Variants in PCDH9 observed in about 807,000 individuals in gnomAD.
The protein encoded by PCDH9 is protocadherin 9, also known as protocadherin-9.
A neutral mutation model predicts 70.6 loss-of-function variants in PCDH9; 24 were observed. That is an observed-to-expected ratio of 0.34 (90% confidence interval 0.25 to 0.48). The LOEUF (loss-of-function observed/expected upper bound fraction) is 0.48, where lower values mean the gene tolerates loss of function less well. Among genes scored for constraint, PCDH9 ranks in the 20% least tolerant of loss-of-function variants. The pLI is 0.99. For synonymous variants in PCDH9, 562 were observed against 558.5 expected (o/e 1.01, Z -0.09); for missense variants, 1,281 against 1,503.6 (o/e 0.85, Z 2.45).
At chr13:66,331,845 GTATT>G (rs1239890658) in intron 4 of PCDH9, among the ~76,000 whole-genome samples, 5 of 152,148 alleles carry the variant, frequency 3.3e-5, no homozygotes, top group Non-Finnish European at 7.4e-5. Flanking sequence ...GAAGCACAAT[GTATT>G]TATTTAACTT....
At chr13:66,721,031 T>C (rs1011287540) in intron 3 of PCDH9, among the ~76,000 whole-genome samples, 1 of 152,172 alleles carries the variant, frequency 6.6e-6, no homozygotes, top group Non-Finnish European at 1.5e-5. Context: ...AAAAAATAAT[T>C]CATTTATGAA....
chr13:66,751,694 T>C (rs964457533), intron 3 of PCDH9, among the ~76,000 whole-genome samples: 2 of 152,346 alleles, frequency 1.3e-5, no homozygotes, highest in African/African-American at 4.8e-5. Context: ...TAGCCACTTA[T>C]GTGCCCCTTT....
rs117997550 is a variant in PCDH9 at position 66,428,389 on chromosome 13, C to A, written c.3341-123361G>T. 7.1e-3 allele frequency among the ~76,000 whole-genome samples: 1,074 copies of A among 151,764 alleles called. 3 individuals carry two copies. The highest frequency in any genetic ancestry group is 0.011 in the Non-Finnish European group (758 of 67,718). Reference sequence around the variant, plus strand: ...AGATTACTAAAATATGTACTATCCACTTGATTTATAGCCCACTGGAACTAG... The same window carrying A: ...AGATTACTAAAATATGTACTATCCAATTGATTTATAGCCCACTGGAACTAG... On this transcript the variant is annotated intron_variant, in intron 4 of 4. Transcript: ENST00000377865.
chr13:66,590,792 C>T (rs1203754377), intron 4 of PCDH9, among the ~76,000 whole-genome samples: 1 of 151,822 alleles, frequency 6.6e-6, no homozygotes, highest in African/African-American at 2.4e-5. Flanking sequence ...ACTCCCTAGA[C>T]TTAAAAAATT....
chr13:67,183,192 T>G (rs2088662218), intron 2 of PCDH9, among the ~76,000 whole-genome samples: 1 of 152,088 alleles, frequency 6.6e-6, no homozygotes, highest in Non-Finnish European at 1.5e-5. Context: ...GAGCCTAAAG[T>G]TTTGCCCCCA....
At chr13:67,156,185 A>C (rs1194560343) in intron 2 of PCDH9, among the ~76,000 whole-genome samples, 1 of 152,092 alleles carries the variant, frequency 6.6e-6, no homozygotes, top group Non-Finnish European at 1.5e-5. Context: ...GTATTTCCCA[A>C]GACCATCCTG....
chr13:66,561,015 G>A (rs1016083361), intron 4 of PCDH9, among the ~76,000 whole-genome samples: 2 of 152,216 alleles, frequency 1.3e-5, no homozygotes, highest in Non-Finnish European at 2.9e-5. Flanking sequence ...CCCCTTTCTG[G>A]GCTGGCCAAG....
At chr13:67,072,919 A>G (rs1269695649) in intron 2 of PCDH9, among the ~76,000 whole-genome samples, 4 of 152,190 alleles carry the variant, frequency 2.6e-5, no homozygotes, top group Admixed American at 2.6e-4. Flanking sequence ...CTCAAAGGCT[A>G]ACAAATTTAT....
At chr13:66,466,174 A>G (rs1436883171) in intron 4 of PCDH9, among the ~76,000 whole-genome samples, 2 of 151,594 alleles carry the variant, frequency 1.3e-5, no homozygotes, top group Non-Finnish European at 2.9e-5. Context: ...CCTTCTCTCT[A>G]TTTTTCTATC....
At chr13:66,749,047 A>G (rs9529130) in intron 3 of PCDH9, among the ~76,000 whole-genome samples, 14,784 of 152,178 alleles carry the variant, frequency 0.097, 766 homozygotes, top group African/African-American at 0.13. Context: ...GAAGAAGGAC[A>G]TGTTAGCTTC....
At chr13:67,033,448 T>C (rs1003804391) in intron 2 of PCDH9, among the ~76,000 whole-genome samples, 2 of 152,186 alleles carry the variant, frequency 1.3e-5, no homozygotes, top group Non-Finnish European at 2.9e-5. Context: ...TTCTTTCCCC[T>C]TTTTTCTTTC....
intron 2 of PCDH9, among the ~76,000 whole-genome samples, chr13:66,907,095 T>A (rs559552353): frequency 3.7e-4 from 57 of 152,038 alleles, no homozygotes; most frequent in Non-Finnish European, 6.9e-4. Flanking sequence ...TCCCAGCTAC[T>A]TGGGAGTCTG....
intron 3 of PCDH9, among the ~76,000 whole-genome samples, chr13:66,773,246 A>G (rs937632058): frequency 6.6e-6 from 1 of 152,176 alleles, no homozygotes; most frequent in Admixed American, 6.5e-5. Flanking sequence ...TTCTATATAT[A>G]TGTGCTCTCC....
At chr13:66,887,266 G>A (rs1226713689) in intron 3 of PCDH9, among the ~76,000 whole-genome samples, 2 of 151,856 alleles carry the variant, frequency 1.3e-5, no homozygotes, top group Non-Finnish European at 2.9e-5. Context: ...GTGGGATGAT[G>A]GTATTTCAGT....
chr13:66,595,827 C>A (rs922421075), intron 4 of PCDH9, among the ~76,000 whole-genome samples: 2 of 151,308 alleles, frequency 1.3e-5, no homozygotes, highest in African/African-American at 4.8e-5. Flanking sequence ...TAAATATAAA[C>A]CCTGAAAAGA....
chr13:66,691,577 GA>G (rs201606889), intron 3 of PCDH9, among the ~76,000 whole-genome samples: 3,099 of 151,394 alleles, frequency 0.02, 61 homozygotes, highest in South Asian at 0.05. Context: ...ATAAGCAATA[GA>G]AAAAAAATAA....
intron 4 of PCDH9, among the ~76,000 whole-genome samples, chr13:66,329,339 A>G (rs1344110958): frequency 6.6e-6 from 1 of 152,228 alleles, no homozygotes. Flanking sequence ...AAACAGTCTG[A>G]AAATAAATGT....
intron 4 of PCDH9, among the ~76,000 whole-genome samples, chr13:66,436,022 T>A (rs422591): frequency 1 from 151,223 of 151,580 alleles, 75,434 homozygotes; most frequent in Middle Eastern, 1. Context: ...CTCTTTTTTT[T>A]AAAAAAAAGT....
intron 2 of PCDH9, among the ~76,000 whole-genome samples, chr13:67,081,346 A>G (rs2085979232): frequency 6.6e-6 from 1 of 152,172 alleles, no homozygotes. Context: ...AGGCAGATGG[A>G]TCACCTGAGG....
Sources: gnomAD v4.1 joint callset for allele counts (sites outside exome capture counted in the v4.1 genomes callset) on GRCh38, gnomAD v4.1.1 for gene constraint, MANE v1.5 for transcripts, NCBI Gene and HGNC (gene_info 2026-07-23, HGNC 2026-07-21) for gene names.